The following CSTPP1 variants were observed in gnomAD, a reference collection of about 807,000 sequenced individuals.
The protein encoded by CSTPP1 is UPF0705 protein C11orf49.
At chr11:46,999,200 G>T in the CSTPP1 span, among the ~76,000 whole-genome samples, 1 of 151,406 alleles carries the variant, frequency 6.6e-6, no homozygotes, top group Admixed American at 6.6e-5. Flanking sequence ...TATGAAGTGG[G>T]TTTAATAAAG....
the CSTPP1 span, among the ~76,000 whole-genome samples, chr11:47,133,974 T>A: frequency 6.6e-6 from 1 of 152,110 alleles, no homozygotes; most frequent in East Asian, 1.9e-4. Flanking sequence ...AAGCCCCTCC[T>A]GCCATCAGCC....
the CSTPP1 span, among the ~76,000 whole-genome samples, chr11:47,000,581 C>T: frequency 1.5e-3 from 222 of 152,210 alleles, no homozygotes; most frequent in Non-Finnish European, 2.6e-3. Context: ...GAAAGAAGTA[C>T]ACAGACTACC....
chr11:46,963,169 C>T, the CSTPP1 span, among the ~76,000 whole-genome samples: 1 of 151,838 alleles, frequency 6.6e-6, no homozygotes, highest in South Asian at 2.1e-4. Context: ...GTAGAATTGG[C>T]AAAAGTGGAC....
chr11:47,098,689 A>T, the CSTPP1 span, among the ~76,000 whole-genome samples: 1 of 151,990 alleles, frequency 6.6e-6, no homozygotes, highest in Non-Finnish European at 1.5e-5. Flanking sequence ...TTTAGTAGAG[A>T]TGAGGTTTCA....
At chr11:47,057,014 T>C in the CSTPP1 span, among the ~76,000 whole-genome samples, 1 of 152,166 alleles carries the variant, frequency 6.6e-6, no homozygotes, top group Non-Finnish European at 1.5e-5. Context: ...ACCTGGTCCC[T>C]TTTGACAAAA....
the CSTPP1 span, among the ~76,000 whole-genome samples, chr11:46,957,006 A>AT: frequency 6.0e-5 from 9 of 151,206 alleles, no homozygotes; most frequent in South Asian, 2.1e-4. Flanking sequence ...CTTTTTGAAC[A>AT]TTTTTTTTCA....
the CSTPP1 span, chr11:47,161,372 G>A: frequency 5.7e-6 from 9 of 1,590,960 alleles, no homozygotes; most frequent in African/African-American, 2.7e-5. Context: ...CTGCAGCCCA[G>A]GGGTTTACCC....
At chr11:47,103,130 G>A in the CSTPP1 span, among the ~76,000 whole-genome samples, 1 of 152,152 alleles carries the variant, frequency 6.6e-6, no homozygotes, top group Non-Finnish European at 1.5e-5. Flanking sequence ...GGGTGTGGTG[G>A]CTTATGCCTA....
the CSTPP1 span, among the ~76,000 whole-genome samples, chr11:47,046,660 CTT>C: frequency 0.066 from 5,193 of 79,188 alleles, 14 homozygotes; most frequent in Non-Finnish European, 0.071. Context: ...ATCTTCTTTT[CTT>C]TTTTTTTTTT....
chr11:46,991,652 T>C, the CSTPP1 span: 1 of 152,390 alleles, frequency 6.6e-6, no homozygotes, highest in Non-Finnish European at 1.5e-5. Context: ...CTGGGGGTAA[T>C]GCTTCTTCCT....
the CSTPP1 span, among the ~76,000 whole-genome samples, chr11:47,119,631 G>A: frequency 2.7e-5 from 2 of 73,326 alleles, no homozygotes; most frequent in African/African-American, 5.6e-5. Flanking sequence ...TTTTTTTTGA[G>A]ATGGAGTTTC....
chr11:47,116,684 T>G, the CSTPP1 span, among the ~76,000 whole-genome samples: 1 of 139,088 alleles, frequency 7.2e-6, no homozygotes, highest in South Asian at 2.5e-4. Flanking sequence ...GGTTTTTTTT[T>G]TTTTTTTTTT....
chr11:47,122,120 T>TATATA, the CSTPP1 span, among the ~76,000 whole-genome samples: 2 of 72,040 alleles, frequency 2.8e-5, no homozygotes, highest in Admixed American at 1.5e-4. Flanking sequence ...ATATATATAT[T>TATATA]AGAAAAATGA....
chr11:47,082,075 A>G, the CSTPP1 span, among the ~76,000 whole-genome samples: 3 of 149,690 alleles, frequency 2.0e-5, no homozygotes, highest in Admixed American at 2.0e-4. Flanking sequence ...ACTTGAGCCC[A>G]GGAGTTGGAG....
At chr11:47,163,173 T>TAAA in the CSTPP1 span, among the ~76,000 whole-genome samples, 2 of 108,184 alleles carry the variant, frequency 1.8e-5, no homozygotes, top group Non-Finnish European at 1.9e-5. Flanking sequence ...GAGACCATCT[T>TAAA]AAAAAAAAAA....
chr11:47,164,215 C>G, the CSTPP1 span: 2 of 1,613,724 alleles, frequency 1.2e-6, no homozygotes, highest in Non-Finnish European at 1.7e-6. Flanking sequence ...GCTTCGGTAC[C>G]GACGCCCTAC....
At chr11:46,949,140 A>G in the CSTPP1 span, among the ~76,000 whole-genome samples, 3 of 151,808 alleles carry the variant, frequency 2.0e-5, no homozygotes, top group African/African-American at 7.2e-5. Context: ...AAACACTGTT[A>G]TTATTCTCCT....
At chr11:47,126,556 C>T in the CSTPP1 span, among the ~76,000 whole-genome samples, 1 of 152,146 alleles carries the variant, frequency 6.6e-6, no homozygotes, top group Non-Finnish European at 1.5e-5. Context: ...CTCTTGAACC[C>T]AAGGAATTCC....
chr11:47,011,550 G>A, the CSTPP1 span, among the ~76,000 whole-genome samples: 371 of 152,318 alleles, frequency 2.4e-3, 1 homozygote, highest in African/African-American at 8.1e-3. Flanking sequence ...TCTTGAGAGT[G>A]ATATGAAGAA....
Sources: gnomAD v4.1 joint callset for allele counts (sites outside exome capture counted in the v4.1 genomes callset) on GRCh38, gnomAD v4.1.1 for gene constraint, MANE v1.5 for transcripts, NCBI Gene and HGNC (gene_info 2026-07-23, HGNC 2026-07-21) for gene names.